AGAP1: variants seen among roughly 807,000 people sequenced by gnomAD.
AGAP1 encodes arf-GAP with GTPase, ANK repeat and PH domain-containing protein 1.
In AGAP1, 29 loss-of-function variants were observed where a neutral mutation model predicts 105.3. The observed-to-expected ratio is 0.28, with a 90% CI of 0.21 to 0.38. The LOEUF is 0.38. AGAP1 is among the 10% of genes least tolerant of loss of function. AGAP1 has a pLI of 1.00. For missense variants in AGAP1, 998 were observed against 1,165.1 expected, an observed-to-expected ratio of 0.86 and a Z score of 2.09; for synonymous variants, 509 against 485.9, an observed-to-expected ratio of 1.05 and a Z score of -0.63.
Position 235,769,055 on chromosome 2 carries a change from A to G in AGAP1, c.673+18567A>G, listed in dbSNP as rs1559462069. Among the ~76,000 whole-genome samples, 2 of 152,218 alleles carry G rather than the reference A, an allele frequency of 1.3e-5. No individual in the cohort carries two copies. Among genetic ancestry groups the G allele is most frequent in the Non-Finnish European group, 2.9e-5 (2 of 68,040 alleles). ...AGTAATTCACCATAAATGAGTGAAA[A>G]TTATTCAACTGGATTAGAAATTGCC... On this transcript the variant is annotated intron_variant, in intron 6 of 17. Transcript: ENST00000304032. The surrounding 1 kb of genome is among the most constrained non-coding windows in gnomAD (Gnocchi z 4.4).
chr2:235,539,486 C>G (rs1356564678), intron 1 of AGAP1, among the ~76,000 whole-genome samples: 2 of 152,158 alleles, frequency 1.3e-5, no homozygotes, highest in East Asian at 3.8e-4. Flanking sequence ...TTTAGGAAGC[C>G]ATGCTGCCTC....
chr2:236,045,916 G>A lies in AGAP1; in HGVS notation c.1892-3143G>A, dbSNP rs3768949. On this transcript the variant is annotated intron_variant, in intron 15 of 17. Transcript: ENST00000304032. The surrounding 1 kb of genome is among the most constrained non-coding windows in gnomAD (Gnocchi z 6.9). ...TGGGGCCCTGGAACACTGTGCCCCC[G>A]CCCCCTGCAACATTTTGGGTTTCAG... 0.09 allele frequency: 42,499 copies of A among 470,576 alleles called. 2,298 individuals carry two copies. The highest frequency in any genetic ancestry group is 0.2 in the East Asian group (2,909 of 14,358). 29.2% of individuals were successfully genotyped at this position (470,576 alleles called of 1,614,324 possible).
At chr2:235,968,711 G>A in intron 13 of AGAP1, 88 bp downstream of exon 13, 1 of 1,379,402 alleles carries the variant, frequency 7.2e-7, no homozygotes, top group Non-Finnish European at 1.0e-6. Flanking sequence ...GACACCCTTA[G>A]CACAACAAAT....
At chr2:236,079,812 G>GT (rs1321778626) in intron 16 of AGAP1, among the ~76,000 whole-genome samples, 1 of 152,160 alleles carries the variant, frequency 6.6e-6, no homozygotes, top group East Asian at 1.9e-4. Context: ...ATGCTAACAT[G>GT]TATTCCACTG....
chr2:235,821,259 A>G (rs1186020650), intron 9 of AGAP1, among the ~76,000 whole-genome samples: 1 of 152,258 alleles, frequency 6.6e-6, no homozygotes, highest in African/African-American at 2.4e-5. Flanking sequence ...GATAAGTGAA[A>G]GCATAAAACA....
Position 235,793,375 on chromosome 2 carries a change from T to A in AGAP1, c.674-4384T>A, listed in dbSNP as rs1326095009. Among the ~76,000 whole-genome samples the A allele has an allele frequency of 6.6e-6, 1 of 152,164 alleles. No homozygotes were observed. The highest frequency in any genetic ancestry group is 1.5e-5 in the Non-Finnish European group (1 of 68,042). The stretch of plus-strand genomic sequence containing the variant: ...GTTTAGTTACCCAATCCATTTCATT[T>A]AGTCACCCAAGTAGAAGTTAGAAAT... On this transcript the variant is annotated intron_variant, in intron 6 of 17. Coordinates refer to ENST00000304032, the MANE Select transcript of AGAP1 (RefSeq NM_001037131.3). This position sits in a 1 kb window ranked among gnomAD's most constrained non-coding sequence, Gnocchi z 5.3.
At chr2:235,524,463 G>T in intron 1 of AGAP1, 1 of 294,738 alleles carries the variant, frequency 3.4e-6, no homozygotes, top group Non-Finnish European at 7.0e-6. Context: ...AATCTGGAGA[G>T]AGCAGTGGAT....
rs1955266053 is a variant in AGAP1, at chr2:235,769,734, T to C, written c.673+19246T>C. ...ACGAAAGCAGTGACTAAAGGGCATC[T>C]CCAGGTGCCGCCTCTCACCTGGTCC... On this transcript the variant is annotated intron_variant, in intron 6 of 17. Transcript: ENST00000304032. The surrounding 1 kb of genome is among the most constrained non-coding windows in gnomAD (Gnocchi z 4.4). Among the ~76,000 whole-genome samples, 1 of 152,030 alleles carries C rather than the reference T, an allele frequency of 6.6e-6. No individual in the cohort carries two copies. The highest frequency in any genetic ancestry group is 2.4e-5 in the African/African-American group (1 of 41,406).
In AGAP1 at chr2:236,101,838, G is replaced by T. The variant is rs1180357725; in HGVS notation, c.2115-18354G>T. On this transcript the variant is annotated intron_variant, in intron 16 of 17. Transcript: ENST00000304032. This position sits in a 1 kb window ranked among gnomAD's most constrained non-coding sequence, Gnocchi z 4.9. ...CTCTCACTGGGTACACATTTATCGG[G>T]ATTTATGCTTTAAAACAGTAGTTCA... Among the ~76,000 whole-genome samples, 1 of 152,188 alleles carries T rather than the reference G, an allele frequency of 6.6e-6. No homozygotes were observed. Among genetic ancestry groups the T allele is most frequent in the Non-Finnish European group, 1.5e-5 (1 of 68,040 alleles).
rs2049655725 is a variant in AGAP1 at position 235,875,177 on chromosome 2, T to C, written c.1051-8168T>C. Among the ~76,000 whole-genome samples, 1 of 152,184 alleles carries C rather than the reference T, an allele frequency of 6.6e-6. No individual in the cohort carries two copies. On this transcript the variant is annotated intron_variant, in intron 9 of 17. Coordinates refer to ENST00000304032, the MANE Select transcript of AGAP1 (RefSeq NM_001037131.3). The surrounding 1 kb of genome is among the most constrained non-coding windows in gnomAD (Gnocchi z 4.0). ...TATAAATGAGGTCACTTTTCAACCT[T>C]ACTGGTCCATGGCCCTGTCCTGTTT...
chr2:235,686,634 T>TATATATATAG (rs1949427868), intron 1 of AGAP1, among the ~76,000 whole-genome samples: 1 of 51,898 alleles, frequency 1.9e-5, no homozygotes, highest in Non-Finnish European at 3.5e-5. Flanking sequence ...TATATATATA[T>TATATATATAG]ATATATATAT....
At position 235,596,290 on chromosome 2, in the gene AGAP1, T is replaced by G. The variant is rs1228966557; in HGVS notation, c.163+101441T>G. On this transcript the variant is annotated intron_variant, in intron 1 of 17. Coordinates refer to ENST00000304032, the MANE Select transcript of AGAP1 (RefSeq NM_001037131.3). This position sits in a 1 kb window ranked among gnomAD's most constrained non-coding sequence, Gnocchi z 5.9. ...GATGCTCAAACTAGACAGGTGGGACTGTCCAGATGCCTGTGGGGCACTACA... is the reference window on the plus strand; with the variant it reads ...GATGCTCAAACTAGACAGGTGGGACGGTCCAGATGCCTGTGGGGCACTACA... Among the ~76,000 whole-genome samples, 1 of 152,246 alleles carries G rather than the reference T, an allele frequency of 6.6e-6. No homozygotes were observed. The highest frequency in any genetic ancestry group is 1.9e-4 in the East Asian group (1 of 5,202).
rs1198366179 is a variant in AGAP1 at position 235,631,603 on chromosome 2, G to A, written c.164-77576G>A. Among the ~76,000 whole-genome samples, 1 of 152,170 alleles carries A rather than the reference G, an allele frequency of 6.6e-6. No individual in the cohort carries two copies. The highest frequency in any genetic ancestry group is 1.5e-5 in the Non-Finnish European group (1 of 68,032). ...TCCTCTTGGTGCTCTTCTGCTTTTT[G>A]CTTCTTCCCTGGGCTTGCTTTCCGT... On this transcript the variant is annotated intron_variant, in intron 1 of 17. Transcript: ENST00000304032. This position sits in a 1 kb window ranked among gnomAD's most constrained non-coding sequence, Gnocchi z 5.4.
chr2:235,502,064 A>C (rs1941583453), intron 1 of AGAP1, among the ~76,000 whole-genome samples: 1 of 150,728 alleles, frequency 6.6e-6, no homozygotes, highest in South Asian at 2.1e-4. Context: ...TGTGCTTCTG[A>C]GGGGCTGAGG....
At chr2:235,997,569 A>G (rs940839075) in intron 13 of AGAP1, among the ~76,000 whole-genome samples, 45 of 152,140 alleles carry the variant, frequency 3.0e-4, no homozygotes, top group Non-Finnish European at 5.6e-4. Flanking sequence ...CAGCATCTAC[A>G]CTGACTGTGT....
intron 12 of AGAP1, among the ~76,000 whole-genome samples, chr2:235,937,490 C>G (rs1252969476): frequency 6.6e-6 from 1 of 152,226 alleles, no homozygotes; most frequent in African/African-American, 2.4e-5. Context: ...TGAAATGCTG[C>G]CCCATGATCA....
At position 236,055,090 on chromosome 2, in the gene AGAP1, G is replaced by C. The variant is rs547246721; in HGVS notation, c.2114+5809G>C. ...TTACTGTGACCTCCCGCTTGTCAAG[G>C]TCCGGGCTGTGCTCTTCTTTCAATT... On this transcript the variant is annotated intron_variant, in intron 16 of 17. Coordinates refer to ENST00000304032, the MANE Select transcript of AGAP1 (RefSeq NM_001037131.3). This position sits in a 1 kb window ranked among gnomAD's most constrained non-coding sequence, Gnocchi z 6.2. Among the ~76,000 whole-genome samples, 26 of 152,306 alleles carry C rather than the reference G, an allele frequency of 1.7e-4. No homozygotes were observed. In the South Asian group the frequency reaches 5.2e-3, roughly 30 times the overall value.
rs1946039463 is a variant in AGAP1 at position 235,608,950 on chromosome 2, ATAGTAC to A, written c.164-100225_164-100220del. 6.6e-6 allele frequency among the ~76,000 whole-genome samples: 1 copy of A among 151,618 alleles called. No individual in the cohort carries two copies. The highest frequency in any genetic ancestry group is 2.4e-5 in the African/African-American group (1 of 41,238). ...CCTAATACCCCCAACTATGCAAATG[ATAGTAC>A]TAGGAATAATAGTAGTAGAAGTAGT... On this transcript the variant is annotated intron_variant, in intron 1 of 17. Coordinates refer to ENST00000304032, the MANE Select transcript of AGAP1 (RefSeq NM_001037131.3). This position sits in a 1 kb window ranked among gnomAD's most constrained non-coding sequence, Gnocchi z 5.4.
intron 1 of AGAP1, chr2:235,670,876 C>T: frequency 1.5e-6 from 2 of 1,366,536 alleles, no homozygotes; most frequent in Non-Finnish European, 1.9e-6. Flanking sequence ...CCGGCGCGGC[C>T]TCGGAGCACC....
Sources: allele counts gnomAD v4.1 joint callset (sites outside exome capture counted in the v4.1 genomes callset), GRCh38; gene constraint gnomAD v4.1.1; non-coding constraint Gnocchi (gnomAD v3.1); transcripts MANE v1.5; gene names NCBI Gene and HGNC (gene_info 2026-07-23, HGNC 2026-07-21).